ANKH: variants seen among roughly 807,000 people sequenced by gnomAD.
The protein encoded by ANKH is ANKH inorganic pyrophosphate transport regulator, also known as mineralization regulator ANKH.
Under a neutral mutation model 49.0 loss-of-function variants are expected in ANKH, and 15 were observed. The ratio of observed to expected loss-of-function variants is 0.31; its 90% CI spans 0.20 to 0.47. The LOEUF is 0.47. ANKH is among the 20% of genes least tolerant of loss of function. The pLI, the probability that ANKH is intolerant of heterozygous loss-of-function variation, is 1.00. For missense variants in ANKH, 429 were observed against 652.0 expected (o/e 0.66, Z 3.72); for synonymous variants, 273 against 260.0 (o/e 1.05, Z -0.48).
intron 8 of ANKH, chr5:14,741,426 T>C: frequency 3.9e-6 from 1 of 253,780 alleles, no homozygotes; most frequent in Non-Finnish European, 7.7e-6. Context: ...AGCACAAACA[T>C]AACTGGAAAG....
intron 4 of ANKH, among the ~76,000 whole-genome samples, chr5:14,753,322 C>T (rs762196099): frequency 5.3e-5 from 8 of 152,112 alleles, no homozygotes; most frequent in Non-Finnish European, 7.4e-5. Flanking sequence ...ATTTACAGTT[C>T]GATTAGTTTA....
chr5:14,766,786 C>T (rs897342143), intron 2 of ANKH, among the ~76,000 whole-genome samples: 1 of 152,190 alleles, frequency 6.6e-6, no homozygotes, highest in Non-Finnish European at 1.5e-5. Flanking sequence ...CACCCAGGAG[C>T]TGTACATGTA....
At chr5:14,772,870 G>A (rs1360799024) in intron 1 of ANKH, among the ~76,000 whole-genome samples, 2 of 152,198 alleles carry the variant, frequency 1.3e-5, no homozygotes, top group Non-Finnish European at 1.5e-5. Flanking sequence ...TTATGCATCG[G>A]TGAAACTCAT....
chr5:14,871,170 A>C, intron 1 of ANKH, 182 bp downstream of exon 1: 1 of 682,050 alleles, frequency 1.5e-6, no homozygotes. Context: ...TCTGCTGAAT[A>C]ATTGAGGGGA....
intron 7 of ANKH, among the ~76,000 whole-genome samples, chr5:14,743,321 T>G (rs1738423168): frequency 6.6e-6 from 1 of 152,124 alleles, no homozygotes; most frequent in African/African-American, 2.4e-5. Flanking sequence ...TTAGGGAACC[T>G]CAGCAAAACA....
intron 1 of ANKH, among the ~76,000 whole-genome samples, chr5:14,796,752 C>T (rs1740403229): frequency 6.6e-6 from 1 of 152,284 alleles, no homozygotes; most frequent in Non-Finnish European, 1.5e-5. Context: ...CTTCATGGCT[C>T]AGACACCTAC....
rs993084493 is a variant in ANKH, at chr5:14,713,086, C to T, written c.1266-113G>A. ...GCCTCGAGACGGCTGAGACCAGCGG[C>T]GTTCTCCATCTGCTGGCTTCGTAAG... On this transcript the variant is annotated intron_variant, in intron 10 of 11. Transcript: ENST00000284268. The surrounding 1 kb of genome is among the most constrained non-coding windows in gnomAD (Gnocchi z 4.4). 3.1e-5 allele frequency: 32 copies of T among 1,023,522 alleles called. No homozygotes were observed. Among genetic ancestry groups the T allele is most frequent in the East Asian group, 1.3e-4 (5 of 38,392 alleles). 63.4% of individuals were successfully genotyped at this position (1,023,522 alleles called of 1,614,324 possible).
At chr5:14,793,790 AG>A (rs565973321) in intron 1 of ANKH, among the ~76,000 whole-genome samples, 78 of 152,298 alleles carry the variant, frequency 5.1e-4, no homozygotes, top group Middle Eastern at 6.8e-3. Flanking sequence ...AGGCCCTGGC[AG>A]GAGCATTTCT....
chr5:14,755,722 CTA>C, intron 4 of ANKH, 137 bp downstream of exon 4: 1 of 741,462 alleles, frequency 1.3e-6, no homozygotes. Flanking sequence ...ATTGAGGTCT[CTA>C]TGTGATGTAA....
intron 8 of ANKH, among the ~76,000 whole-genome samples, chr5:14,727,949 C>T (rs971662410): frequency 5.9e-5 from 9 of 152,228 alleles, no homozygotes; most frequent in African/African-American, 2.2e-4. Context: ...TTAAATGACA[C>T]ATGTGCATCT....
At chr5:14,780,000 G>A (rs1394026562) in intron 1 of ANKH, among the ~76,000 whole-genome samples, 1 of 151,696 alleles carries the variant, frequency 6.6e-6, no homozygotes, top group Non-Finnish European at 1.5e-5. Context: ...TCTTGTAACA[G>A]AAGTTAGTTG....
chr5:14,818,914 G>A (rs539988593), intron 1 of ANKH, among the ~76,000 whole-genome samples: 11 of 152,240 alleles, frequency 7.2e-5, no homozygotes, highest in South Asian at 4.1e-4. Flanking sequence ...ATACTGAATC[G>A]CTGCTGAAGA....
At chr5:14,728,756 C>G (rs1366749762) in intron 8 of ANKH, among the ~76,000 whole-genome samples, 1 of 152,252 alleles carries the variant, frequency 6.6e-6, no homozygotes, top group African/African-American at 2.4e-5. Flanking sequence ...GGGCAAAGTC[C>G]TGTCGGATGG....
chr5:14,773,300 G>A (rs1238228069), intron 1 of ANKH, among the ~76,000 whole-genome samples: 3 of 149,450 alleles, frequency 2.0e-5, no homozygotes, highest in South Asian at 4.2e-4. Flanking sequence ...ATCTCATAGG[G>A]CACCTAAATA....
intron 1 of ANKH, among the ~76,000 whole-genome samples, chr5:14,796,775 T>C (rs1225636474): frequency 6.6e-6 from 1 of 152,336 alleles, no homozygotes; most frequent in East Asian, 1.9e-4. Context: ...CATTTGGCTC[T>C]ATTCTCCTTA....
rs1239665014 is a variant in ANKH, at chr5:14,707,237, A to G, written c.*3960T>C. On this transcript the variant is annotated 3_prime_UTR_variant, in exon 12 of 12. Coordinates refer to ENST00000284268, the MANE Select transcript of ANKH (RefSeq NM_054027.6). ...TTTCTCAAGGAAATGTAATTACAAC[A>G]CTATAAATACTTGCTATTTTGTGGA... 1 of 151,886 alleles carries G rather than the reference A, an allele frequency of 6.6e-6. No homozygotes were observed. Among genetic ancestry groups the G allele is most frequent in the Non-Finnish European group, 1.5e-5 (1 of 67,966 alleles). The allele number at this position is 151,886 out of a possible 1,614,324, so 9.4% of individuals were successfully genotyped here. A position where few individuals can be genotyped will look rare whatever the true frequency, so the allele number is the denominator to read the frequency against.
intron 2 of ANKH, among the ~76,000 whole-genome samples, chr5:14,760,438 T>C (rs1739039136): frequency 6.6e-6 from 1 of 152,238 alleles, no homozygotes; most frequent in South Asian, 2.1e-4. Context: ...CTAAGCTGGC[T>C]GAAACACAAA....
intron 1 of ANKH, among the ~76,000 whole-genome samples, chr5:14,814,638 C>T (rs1416572684): frequency 6.6e-6 from 1 of 152,098 alleles, no homozygotes; most frequent in Non-Finnish European, 1.5e-5. Flanking sequence ...ACTAAATGGA[C>T]CCGGAGTGGA....
chr5:14,783,466 T>C (rs72734712), intron 1 of ANKH, among the ~76,000 whole-genome samples: 24,221 of 152,244 alleles, frequency 0.16, 2,282 homozygotes, highest in Middle Eastern at 0.27. Flanking sequence ...GCTACTGTTA[T>C]TGGTTTAAAT....
Sources: gnomAD v4.1 joint callset for allele counts (sites outside exome capture counted in the v4.1 genomes callset) on GRCh38, gnomAD v4.1.1 for gene constraint, Gnocchi (gnomAD v3.1) non-coding constraint, MANE v1.5 for transcripts, NCBI Gene and HGNC (gene_info 2026-07-23, HGNC 2026-07-21) for gene names.